GNG4: variants seen among roughly 807,000 people sequenced by gnomAD.
GNG4 encodes the protein G protein subunit gamma 4.
GNG4 carries 4 observed loss-of-function variants against 5.8 expected under a neutral mutation model. The ratio of observed to expected loss-of-function variants is 0.69; its 90% CI spans 0.34 to 1.57. GNG4 has a LOEUF of 1.57. GNG4 is among the 40% of genes most tolerant of loss of function. GNG4 has a pLI of 0.06. For missense variants in GNG4, 96 were observed against 95.1 expected (o/e 1.01, Z -0.04); for synonymous variants, 29 against 32.9 (o/e 0.88, Z 0.41).
At chr1:235,603,801 A>T (rs1489225420) in intron 1 of GNG4, among the ~76,000 whole-genome samples, 1 of 152,186 alleles carries the variant, frequency 6.6e-6, no homozygotes, top group Admixed American at 6.5e-5. Flanking sequence ...CGGGGTCCGA[A>T]CGACGCTGGG....
rs1361636775 is a variant in GNG4, at chr1:235,648,647, C to G, written c.-123+1015G>C. ...CCACTGTGGGAAGCGGCACACCTCACTCATGAGCAGACGACAGGACTGGCA... is the reference window on the plus strand; with the variant it reads ...CCACTGTGGGAAGCGGCACACCTCAGTCATGAGCAGACGACAGGACTGGCA... On this transcript the variant is annotated intron_variant, in intron 1 of 3. Transcript: ENST00000391854. The surrounding 1 kb of genome is among the most constrained non-coding windows in gnomAD (Gnocchi z 5.0). 2.0e-5 allele frequency among the ~76,000 whole-genome samples: 3 copies of G among 152,242 alleles called. No individual in the cohort carries two copies. Among genetic ancestry groups the G allele is most frequent in the Non-Finnish European group, 4.4e-5 (3 of 68,048 alleles).
At chr1:235,553,341 T>G (rs1312976827) in intron 3 of GNG4, among the ~76,000 whole-genome samples, 2 of 152,194 alleles carry the variant, frequency 1.3e-5, no homozygotes, top group Non-Finnish European at 2.9e-5. Flanking sequence ...CATTAACTCA[T>G]CCTGCCAATT....
intron 1 of GNG4, among the ~76,000 whole-genome samples, chr1:235,609,965 C>A (rs1688445253): frequency 6.6e-6 from 1 of 152,144 alleles, no homozygotes; most frequent in African/African-American, 2.4e-5. Context: ...TTCTTATTTC[C>A]TACACAGAAA....
chr1:235,635,515 T>C (rs1689016158), intron 1 of GNG4, among the ~76,000 whole-genome samples: 1 of 152,122 alleles, frequency 6.6e-6, no homozygotes. Flanking sequence ...AAAATGTGAT[T>C]CCTGATGTAT....
chr1:235,647,132 A>G (rs912438280), intron 1 of GNG4, among the ~76,000 whole-genome samples: 3 of 152,118 alleles, frequency 2.0e-5, no homozygotes, highest in Admixed American at 1.3e-4. Flanking sequence ...TAGTACTTAT[A>G]CCTCTATTAA....
intron 1 of GNG4, among the ~76,000 whole-genome samples, chr1:235,611,050 T>C (rs1450757001): frequency 6.6e-6 from 1 of 152,090 alleles, no homozygotes; most frequent in African/African-American, 2.4e-5. Flanking sequence ...ATAGTGCCAC[T>C]GCAATCCAGC....
At chr1:235,577,095 C>T (rs1021628716) in intron 3 of GNG4, among the ~76,000 whole-genome samples, 3 of 152,200 alleles carry the variant, frequency 2.0e-5, no homozygotes, top group Non-Finnish European at 4.4e-5. Context: ...GCCTTCTTTT[C>T]CTTCCTTCCT....
chr1:235,631,980 C>T (rs1217234068), intron 1 of GNG4, among the ~76,000 whole-genome samples: 2 of 152,240 alleles, frequency 1.3e-5, no homozygotes, highest in African/African-American at 2.4e-5. Flanking sequence ...TTAAGTGAAG[C>T]CTGGGAGGGC....
At chr1:235,614,314 G>T (rs1185705235) in intron 1 of GNG4, among the ~76,000 whole-genome samples, 1 of 151,822 alleles carries the variant, frequency 6.6e-6, no homozygotes, top group Admixed American at 6.6e-5. Context: ...TCTGGCTAGA[G>T]ATTTATTTTT....
At chr1:235,560,210 G>A (rs188319066) in intron 3 of GNG4, among the ~76,000 whole-genome samples, 1 of 152,320 alleles carries the variant, frequency 6.6e-6, no homozygotes, top group Admixed American at 6.5e-5. Context: ...ATATATTGCC[G>A]TGGTTTGAAA....
At chr1:235,570,490 G>A (rs1174237819) in intron 3 of GNG4, among the ~76,000 whole-genome samples, 3 of 141,184 alleles carry the variant, frequency 2.1e-5, no homozygotes, top group African/African-American at 5.3e-5. Flanking sequence ...TCCGCCTCCC[G>A]GGTTCAAGCG....
At chr1:235,635,926 TGAAGGCCCACCTTCCACCTTGAG>T (rs1211450446) in intron 1 of GNG4, among the ~76,000 whole-genome samples, 2 of 152,252 alleles carry the variant, frequency 1.3e-5, no homozygotes, top group African/African-American at 4.8e-5. Context: ...GCAGTGGCTC[TGAAGGCCCACCTTCCACCTTGAG>T]GAAGCTGAAG....
At chr1:235,575,165 C>T (rs972659352) in intron 3 of GNG4, among the ~76,000 whole-genome samples, 39 of 152,144 alleles carry the variant, frequency 2.6e-4, no homozygotes, top group Admixed American at 2.6e-3. Flanking sequence ...TCTGCACTAT[C>T]GCACTCTAAA....
At chr1:235,608,638 T>C (rs138937299) in intron 1 of GNG4, among the ~76,000 whole-genome samples, 4 of 152,324 alleles carry the variant, frequency 2.6e-5, no homozygotes, top group Non-Finnish European at 4.4e-5. Context: ...CAGTCTTTTG[T>C]GACTGGATTC....
chr1:235,644,643 T>C lies in GNG4; in HGVS notation c.-123+5019A>G, dbSNP rs540767745. 4.6e-5 allele frequency among the ~76,000 whole-genome samples: 7 copies of C among 152,256 alleles called. 1 individual carries two copies. The South Asian group carries it at 1.5e-3, about 32-fold the overall frequency. On this transcript the variant is annotated intron_variant, in intron 1 of 3. Transcript: ENST00000391854. The surrounding 1 kb of genome is among the most constrained non-coding windows in gnomAD (Gnocchi z 5.9). ...CTTCTGAGTGATACGCAAAGTTAACTGGGGCACAGAGAAAACAGAATTTTC... is the reference window on the plus strand; with the variant it reads ...CTTCTGAGTGATACGCAAAGTTAACCGGGGCACAGAGAAAACAGAATTTTC...
intron 1 of GNG4, among the ~76,000 whole-genome samples, chr1:235,627,139 G>A (rs893445780): frequency 6.6e-6 from 1 of 152,074 alleles, no homozygotes; most frequent in African/African-American, 2.4e-5. Context: ...TCTGAAAGCT[G>A]TCTTATCTCT....
At position 235,632,511 on chromosome 1, in the gene GNG4, C is replaced by A. The variant is rs547095502; in HGVS notation, c.-123+17151G>T. Among the ~76,000 whole-genome samples, 26 of 152,316 alleles carry A rather than the reference C, an allele frequency of 1.7e-4. No individual in the cohort carries two copies. In the South Asian group the frequency reaches 5.4e-3, roughly 32 times the overall value. On this transcript the variant is annotated intron_variant, in intron 1 of 3. Transcript: ENST00000391854. Reference sequence around the variant, plus strand: ...AAGTGGTTCTGGAGATGTGGTTTAACCAACTGGAAAAAGTATTTTTCAGAC... The same window carrying A: ...AAGTGGTTCTGGAGATGTGGTTTAAACAACTGGAAAAAGTATTTTTCAGAC...
chr1:235,617,416 G>A (rs748682807), intron 1 of GNG4, among the ~76,000 whole-genome samples: 3 of 152,218 alleles, frequency 2.0e-5, no homozygotes, highest in Admixed American at 6.5e-5. Flanking sequence ...GCTGGGTATT[G>A]ATTTGGGGGC....
chr1:235,566,283 G>T, intron 3 of GNG4: 1 of 157,006 alleles, frequency 6.4e-6, no homozygotes. Context: ...ACAGCAGGAG[G>T]TGAGCGGCCA....
Sources: gnomAD v4.1 joint callset for allele counts (sites outside exome capture counted in the v4.1 genomes callset) on GRCh38, gnomAD v4.1.1 for gene constraint, Gnocchi (gnomAD v3.1) non-coding constraint, MANE v1.5 for transcripts, NCBI Gene and HGNC (gene_info 2026-07-23, HGNC 2026-07-21) for gene names.